Variants in PIK3C3 observed in about 807,000 individuals in gnomAD.
PIK3C3 encodes phosphatidylinositol 3-kinase catalytic subunit type 3.
Under a neutral mutation model 126.1 loss-of-function variants are expected in PIK3C3, and 95 were observed. The ratio of observed to expected loss-of-function variants is 0.75; its 90% CI spans 0.64 to 0.89. The LOEUF (loss-of-function observed/expected upper bound fraction) is 0.89. Among genes scored for constraint, PIK3C3 ranks in the 40% least tolerant of loss-of-function variants. The probability of loss-of-function intolerance (pLI) is 0.00; values close to 1 mark genes in which losing one functional copy is unlikely to be tolerated. For missense variants in PIK3C3, 829 were observed against 1,063.2 expected (o/e 0.78, Z 3.06); for synonymous variants, 374 against 360.0 (o/e 1.04, Z -0.44).
intron 9 of PIK3C3, 136 bp from the exon 10 acceptor site, chr18:42,004,220 T>A: frequency 4.8e-6 from 3 of 629,140 alleles, no homozygotes; most frequent in Non-Finnish European, 8.3e-6. Context: ...ATATATAACT[T>A]CATTTAGTGC....
chr18:41,958,670 CCTAT>C lies in PIK3C3; in HGVS notation c.257+919_257+922del, dbSNP rs372745490. Among the ~76,000 whole-genome samples, 525 of 151,828 alleles carry C rather than the reference CCTAT, an allele frequency of 3.5e-3. 1 individual carries two copies. Among genetic ancestry groups the C allele is most frequent in the African/African-American group, 0.011 (462 of 41,390 alleles). On this transcript the variant is annotated intron_variant, in intron 2 of 24. Transcript: ENST00000262039. ...TCTGTCTGTCTGTCTGTCTATCTAG[CCTAT>C]CTATCTGTATATATATATGTGTGTA...
chr18:42,073,806 TA>T, intron 24 of PIK3C3, among the ~76,000 whole-genome samples: 1 of 152,226 alleles, frequency 6.6e-6, no homozygotes, highest in African/African-American at 2.4e-5. Context: ...GATTTCACTT[TA>T]TTTGCTGTCC....
At chr18:42,015,875 C>T (rs1346298900) in intron 12 of PIK3C3, among the ~76,000 whole-genome samples, 1 of 152,134 alleles carries the variant, frequency 6.6e-6, no homozygotes, top group Non-Finnish European at 1.5e-5. Flanking sequence ...ATGAACCTTA[C>T]TGTAATTGTT....
In PIK3C3 at chr18:42,025,613, A is replaced by C. The variant is rs548341548; in HGVS notation, c.1485-1830A>C. 7.9e-5 allele frequency: 12 copies of C among 152,324 alleles called. No individual in the cohort carries two copies. In the South Asian group the frequency reaches 2.1e-3, roughly 26 times the overall value. The allele number at this position is 152,324 out of a possible 1,614,324, so 9.4% of individuals were successfully genotyped here. A position where few individuals can be genotyped will look rare whatever the true frequency, so the allele number is the denominator to read the frequency against. On this transcript the variant is annotated intron_variant, in intron 13 of 24. Coordinates refer to ENST00000262039, the MANE Select transcript of PIK3C3 (RefSeq NM_002647.4). ...CTTGGATATTGTTAGTACCTTCGAT[A>C]GAGGTAGAAAAAATTCAATTTAATG...
chr18:41,994,813 G>C (rs112530176), intron 7 of PIK3C3, among the ~76,000 whole-genome samples: 4 of 152,214 alleles, frequency 2.6e-5, no homozygotes, highest in African/African-American at 9.6e-5. Context: ...CAAGGCAGGA[G>C]GATCACTTGA....
chr18:42,045,424 A>C (rs1376655083), intron 20 of PIK3C3, among the ~76,000 whole-genome samples: 5 of 152,132 alleles, frequency 3.3e-5, no homozygotes, highest in African/African-American at 1.2e-4. Context: ...CATATCATCT[A>C]AAGGCTCAAC....
At chr18:42,034,695 C>T (rs1298546387) in intron 16 of PIK3C3, among the ~76,000 whole-genome samples, 1 of 152,172 alleles carries the variant, frequency 6.6e-6, no homozygotes, top group East Asian at 1.9e-4. Flanking sequence ...AAGGCCAGAG[C>T]ATCATTATCT....
chr18:42,063,917 CA>C (rs893416951), intron 22 of PIK3C3, among the ~76,000 whole-genome samples: 1 of 152,088 alleles, frequency 6.6e-6, no homozygotes, highest in African/African-American at 2.4e-5. Context: ...TCCTGAAGAT[CA>C]AACCTGAATC....
At chr18:42,079,183 A>T (rs888070467) in intron 24 of PIK3C3, among the ~76,000 whole-genome samples, 8 of 152,328 alleles carry the variant, frequency 5.3e-5, no homozygotes, top group African/African-American at 1.9e-4. Flanking sequence ...AGCCAGAGAT[A>T]TGCGACTCTT....
intron 12 of PIK3C3, among the ~76,000 whole-genome samples, chr18:42,018,303 T>A (rs558834466): frequency 1.3e-5 from 2 of 152,252 alleles, no homozygotes; most frequent in South Asian, 4.1e-4. Context: ...TCACAGTTTT[T>A]TAAATTCAAC....
intron 16 of PIK3C3, 146 bp from the exon 17 acceptor site, chr18:42,037,546 A>C: frequency 1.6e-6 from 1 of 615,470 alleles, no homozygotes; most frequent in Admixed American, 2.8e-5. Context: ...AGTATACCCT[A>C]ATGTATCTCA....
At chr18:41,983,974 T>C (rs1981338968) in intron 4 of PIK3C3, among the ~76,000 whole-genome samples, 1 of 150,812 alleles carries the variant, frequency 6.6e-6, no homozygotes, top group African/African-American at 2.4e-5. Context: ...TTTGTGACAG[T>C]GTACTTTTCT....
Position 42,029,443 on chromosome 18 carries a change from T to C in PIK3C3, c.1707+2T>C. On this transcript the variant is annotated splice_donor_variant, in intron 15 of 24. Transcript: ENST00000262039. LOFTEE classifies it high-confidence loss of function. ...GAAAGTGGAAATCGTAAGAAAAAGG[T>C]AAGCCTATGGTGTATGCTTTTGTTC... is the stretch of plus-strand genomic sequence containing the variant. 3.2e-6 allele frequency: 5 copies of C among 1,548,718 alleles called. No homozygotes were observed. Among genetic ancestry groups the C allele is most frequent in the Non-Finnish European group, 4.5e-6 (5 of 1,120,904 alleles).
intron 2 of PIK3C3, among the ~76,000 whole-genome samples, chr18:41,959,344 A>C (rs980193117): frequency 6.6e-6 from 1 of 152,116 alleles, no homozygotes; most frequent in Non-Finnish European, 1.5e-5. Flanking sequence ...ATTAGTTTTT[A>C]TATTATATGT....
At position 41,970,365 on chromosome 18, in the gene PIK3C3, C is replaced by T. The variant is rs1224955042; in HGVS notation, c.440C>T (p.Pro147Leu). Residue 147 changes from proline to leucine, a missense_variant, in exon 4 of 25, where the codon CCT becomes CTT. Coordinates refer to ENST00000262039, the MANE Select transcript of PIK3C3 (RefSeq NM_002647.4). ...RQGMHDLKVWPNVEADGSEPT... is the reference protein window; with the variant it reads ...RQGMHDLKVWLNVEADGSEPT... The stretch of plus-strand genomic sequence containing the variant: ...GGGATGCATGACTTGAAAGTCTGGC[C>T]TAATGTAGAAGCAGATGGATCAGAA... The T allele has an allele frequency of 6.2e-7, 1 of 1,613,180 alleles. No homozygotes were observed. Among genetic ancestry groups the T allele is most frequent in the Non-Finnish European group, 8.5e-7 (1 of 1,179,296 alleles).
At chr18:42,007,908 G>A (rs525369) in intron 10 of PIK3C3, among the ~76,000 whole-genome samples, 12,285 of 152,160 alleles carry the variant, frequency 0.081, 1,628 homozygotes, top group African/African-American at 0.28. Context: ...TCTAATGTGT[G>A]TTGCTTACTG....
chr18:41,976,380 TG>T (rs1980924819), intron 4 of PIK3C3, among the ~76,000 whole-genome samples: 1 of 151,958 alleles, frequency 6.6e-6, no homozygotes, highest in Non-Finnish European at 1.5e-5. Flanking sequence ...AAAAAAAAAT[TG>T]TATTACTAAG....
At chr18:41,967,027 T>C (rs1980404350) in intron 3 of PIK3C3, among the ~76,000 whole-genome samples, 2 of 152,174 alleles carry the variant, frequency 1.3e-5, no homozygotes, top group Non-Finnish European at 2.9e-5. Flanking sequence ...AGAAACCCTA[T>C]GAAATTAAAA....
At chr18:41,970,488 C>G in intron 4 of PIK3C3, 32 bp downstream of exon 4, 1 of 1,601,416 alleles carries the variant, frequency 6.2e-7, no homozygotes, top group Non-Finnish European at 8.6e-7. Flanking sequence ...AGGTGCAAAG[C>G]TCTGACTGAT....
Sources: gnomAD v4.1 joint callset for allele counts (sites outside exome capture counted in the v4.1 genomes callset) on GRCh38, gnomAD v4.1.1 for gene constraint, MANE v1.5 for transcripts, NCBI Gene and HGNC (gene_info 2026-07-23, HGNC 2026-07-21) for gene names.